Variants in BACH2 observed in about 807,000 individuals in gnomAD.
The protein encoded by BACH2 is BACH transcriptional regulator 2.
Under a neutral mutation model 61.8 loss-of-function variants are expected in BACH2, and 5 were observed. The ratio of observed to expected loss-of-function variants is 0.08; its 90% confidence interval spans 0.04 to 0.17. The LOEUF (loss-of-function observed/expected upper bound fraction) is 0.17. Ranked by LOEUF, BACH2 falls within the 10% of genes least tolerant of loss-of-function variation. BACH2 has a pLI of 1.00. For synonymous variants in BACH2, 446 were observed against 440.1 expected (o/e 1.01, Z -0.17); for missense variants, 824 against 1,091.1 (o/e 0.76, Z 3.45).
rs914642959 is a variant in BACH2 at position 89,975,858 on chromosome 6, T to C, written c.244-23996A>G. On this transcript the variant is annotated intron_variant, in intron 6 of 8. Coordinates refer to ENST00000257749, the MANE Select transcript of BACH2 (RefSeq NM_021813.4). ...TCCCAATAAAATATTTGACAAGATA[T>C]GTGAAATGTTTTTCTTCACTTGGAC... 2.0e-5 allele frequency among the ~76,000 whole-genome samples: 3 copies of C among 152,334 alleles called. 1 individual carries two copies. The highest frequency in any genetic ancestry group is 1.5e-5 in the Non-Finnish European group (1 of 68,022).
chr6:90,258,935 C>T (rs750217676), intron 2 of BACH2, among the ~76,000 whole-genome samples: 1 of 152,082 alleles, frequency 6.6e-6, no homozygotes, highest in Non-Finnish European at 1.5e-5. Context: ...TGAATTCATT[C>T]GTTGTTCTAA....
At chr6:89,986,539 T>C (rs771641687) in intron 6 of BACH2, among the ~76,000 whole-genome samples, 1 of 152,216 alleles carries the variant, frequency 6.6e-6, no homozygotes, top group Non-Finnish European at 1.5e-5. Flanking sequence ...ATTTTTATAA[T>C]GAATACACAT....
intron 1 of BACH2, among the ~76,000 whole-genome samples, chr6:90,275,460 C>T (rs1470608686): frequency 1.3e-5 from 2 of 152,138 alleles, no homozygotes; most frequent in Non-Finnish European, 2.9e-5. Flanking sequence ...TTTTAAAATA[C>T]AACCATTTTA....
At chr6:90,138,240 C>T (rs532243422) in intron 4 of BACH2, among the ~76,000 whole-genome samples, 3 of 152,322 alleles carry the variant, frequency 2.0e-5, no homozygotes, top group Non-Finnish European at 4.4e-5. Context: ...CGGTGGCTCA[C>T]GCCTGTAATC....
chr6:90,120,785 C>T lies in BACH2; in HGVS notation c.-161-31676G>A, dbSNP rs142318134. Among the ~76,000 whole-genome samples the T allele has an allele frequency of 2.9e-3, 449 of 152,308 alleles. 2 individuals carry two copies. The highest frequency in any genetic ancestry group is 0.01 in the African/African-American group (416 of 41,562). ...TATACTGACCAATACTGTGGTCAAA[C>T]GAATACTGAATGTTCTCTCTCGAAC... On this transcript the variant is annotated intron_variant, in intron 4 of 8. Coordinates refer to ENST00000257749, the MANE Select transcript of BACH2 (RefSeq NM_021813.4).
chr6:90,010,819 T>G (rs1388869127), intron 5 of BACH2, among the ~76,000 whole-genome samples: 1 of 152,248 alleles, frequency 6.6e-6, no homozygotes, highest in Non-Finnish European at 1.5e-5. Flanking sequence ...GGGTTTAATT[T>G]GCTTTCTCTA....
Position 90,244,950 on chromosome 6 carries a change from T to C in BACH2, c.-275+7563A>G, listed in dbSNP as rs1182152704. ...GGCTCACGCCTGTAATCCCAGCACT[T>C]TGGGAGGCCAAGGTGGGCAGATCAC... On this transcript the variant is annotated intron_variant, in intron 3 of 8. Coordinates refer to ENST00000257749, the MANE Select transcript of BACH2 (RefSeq NM_021813.4). Among the ~76,000 whole-genome samples, 3 of 152,198 alleles carry C rather than the reference T, an allele frequency of 2.0e-5. No homozygotes were observed. The South Asian group carries it at 6.2e-4, about 31-fold the overall frequency.
At chr6:90,111,315 C>G (rs1582375379) in intron 4 of BACH2, among the ~76,000 whole-genome samples, 1 of 152,212 alleles carries the variant, frequency 6.6e-6, no homozygotes, top group East Asian at 1.9e-4. Flanking sequence ...TATGCTTTTA[C>G]TTTTGCCTCT....
At chr6:90,072,153 G>T (rs1472742776) in intron 5 of BACH2, among the ~76,000 whole-genome samples, 1 of 152,198 alleles carries the variant, frequency 6.6e-6, no homozygotes, top group Non-Finnish European at 1.5e-5. Context: ...GTTTTAAGAA[G>T]TATCTGTTGC....
rs573548403 is a variant in BACH2, at chr6:90,182,096, G to A, written c.-162+24473C>T. Among the ~76,000 whole-genome samples the A allele has an allele frequency of 1.2e-4, 18 of 152,284 alleles. No homozygotes were observed. In the East Asian group the frequency reaches 2.9e-3, roughly 25 times the overall value. ...CTTCTGGGGTGGAGCATGATAGCATGGTAGATGCTGCAGACATGAGGCTTT... is the reference window on the plus strand; with the variant it reads ...CTTCTGGGGTGGAGCATGATAGCATAGTAGATGCTGCAGACATGAGGCTTT... On this transcript the variant is annotated intron_variant, in intron 4 of 8. Transcript: ENST00000257749.
intron 3 of BACH2, among the ~76,000 whole-genome samples, chr6:90,250,928 T>C (rs781136350): frequency 7.9e-5 from 12 of 152,182 alleles, no homozygotes; most frequent in Non-Finnish European, 1.6e-4. Flanking sequence ...GCACTATTAT[T>C]ATTCTGTTTT....
intron 4 of BACH2, among the ~76,000 whole-genome samples, chr6:90,103,029 ATTTT>A (rs371386234): frequency 4.7e-4 from 10 of 21,164 alleles, no homozygotes; most frequent in East Asian, 1.5e-3. Flanking sequence ...ATATATATAT[ATTTT>A]TTTTTTTTTT....
intron 4 of BACH2, among the ~76,000 whole-genome samples, chr6:90,185,518 G>A (rs374602189): frequency 7.9e-4 from 120 of 152,100 alleles, no homozygotes; most frequent in African/African-American, 2.7e-3. Flanking sequence ...AATATAACAC[G>A]ATCTTTTTGT....
intron 3 of BACH2, among the ~76,000 whole-genome samples, chr6:90,208,384 T>C (rs1344408890): frequency 6.6e-6 from 1 of 152,074 alleles, no homozygotes; most frequent in Non-Finnish European, 1.5e-5. Flanking sequence ...CATCAAAAAG[T>C]GGGCAAAGGA....
chr6:90,294,652 T>C (rs1772281431), intron 1 of BACH2, among the ~76,000 whole-genome samples: 2 of 152,344 alleles, frequency 1.3e-5, no homozygotes, highest in South Asian at 2.1e-4. Context: ...ACGTTTATTA[T>C]TACCTGCAAG....
chr6:89,966,202 C>T (rs1775039427), intron 6 of BACH2, among the ~76,000 whole-genome samples: 1 of 152,152 alleles, frequency 6.6e-6, no homozygotes, highest in South Asian at 2.1e-4. Context: ...CTTTACCAAC[C>T]ATCATGTAAC....
rs753808630 is a variant in BACH2, at chr6:89,950,900, C to T, written c.1206G>A (p.Val402=). 7.5e-6 allele frequency: 12 copies of T among 1,597,736 alleles called. No homozygotes were observed. Among genetic ancestry groups the T allele is most frequent in the Middle Eastern group, 1.7e-4 (1 of 5,992 alleles). The part of the protein sequence containing the change: ...YGQPHVGQKE[V]SNFTMGSPLR... ...GGGGCGACCCCATGGTGAAGTTGGA[C>T]ACCTCCTTCTGGCCCACGTGGGGCT... Residue 402 remains valine (V), a synonymous_variant, in exon 7 of 9, where the codon GTG becomes GTA. Transcript: ENST00000257749. This position sits in a 1 kb window ranked among gnomAD's most constrained non-coding sequence, Gnocchi z 5.3.
At chr6:90,211,688 T>C (rs2325261) in intron 3 of BACH2, among the ~76,000 whole-genome samples, 46,737 of 151,098 alleles carry the variant, frequency 0.31, 8,697 homozygotes, top group Non-Finnish European at 0.42. Context: ...TGGAATATGG[T>C]GAGTTGGGCT....
chr6:90,192,267 G>A (rs1041956228), intron 4 of BACH2, among the ~76,000 whole-genome samples: 5 of 150,454 alleles, frequency 3.3e-5, no homozygotes, highest in Non-Finnish European at 7.4e-5. Flanking sequence ...ATTCCTTGGA[G>A]AATCCAAAAA....
Sources: allele counts gnomAD v4.1 joint callset (sites outside exome capture counted in the v4.1 genomes callset), GRCh38; gene constraint gnomAD v4.1.1; non-coding constraint Gnocchi (gnomAD v3.1); transcripts MANE v1.5; gene names NCBI Gene and HGNC (gene_info 2026-07-23, HGNC 2026-07-21).